The following CDH13 variants were observed in gnomAD, a reference collection of about 807,000 sequenced individuals.
CDH13 encodes the protein cadherin-13.
A neutral mutation model predicts 63.8 loss-of-function variants in CDH13; 24 were observed. The ratio of observed to expected loss-of-function variants is 0.38; its 90% confidence interval spans 0.27 to 0.53. The LOEUF (loss-of-function observed/expected upper bound fraction) is 0.53. Ranked by LOEUF, CDH13 falls within the 20% of genes least tolerant of loss-of-function variation. The probability of loss-of-function intolerance (pLI) is 0.85; values close to 1 mark genes in which losing one functional copy is unlikely to be tolerated. For synonymous variants in CDH13, 503 were observed against 355.3 expected, an observed-to-expected ratio of 1.42 and a Z score of -4.67; for missense variants, 1,049 against 903.1, an observed-to-expected ratio of 1.16 and a Z score of -2.07.
intron 1 of CDH13, chr16:82,719,274 C>G (rs148328682): frequency 2.4e-6 from 1 of 419,440 alleles, no homozygotes; most frequent in East Asian, 7.4e-5. Flanking sequence ...TAATTTTGGC[C>G]TGAGTCTATC....
chr16:82,930,515 A>G (rs931070019), intron 2 of CDH13, among the ~76,000 whole-genome samples: 2 of 152,174 alleles, frequency 1.3e-5, no homozygotes, highest in South Asian at 2.1e-4. Flanking sequence ...CCAAATATAG[A>G]TACATATCTA....
chr16:83,216,465 T>C (rs1270310692), intron 4 of CDH13, among the ~76,000 whole-genome samples: 1 of 112,922 alleles, frequency 8.9e-6, no homozygotes, highest in East Asian at 2.5e-4. Context: ...ATTTGAGGTT[T>C]ATATATAACA....
chr16:82,903,774 C>T (rs2041549504), intron 2 of CDH13, among the ~76,000 whole-genome samples: 1 of 152,102 alleles, frequency 6.6e-6, no homozygotes, highest in Non-Finnish European at 1.5e-5. Flanking sequence ...CTGGAATAAC[C>T]CTTAGAGCAC....
intron 1 of CDH13, chr16:82,704,954 G>A (rs2031363354): frequency 2.0e-5 from 7 of 347,848 alleles, no homozygotes; most frequent in South Asian, 1.6e-4. Context: ...GACACCTAAG[G>A]CAGACTTGGG....
chr16:83,277,244 G>T (rs555098311), intron 5 of CDH13, among the ~76,000 whole-genome samples: 2 of 152,300 alleles, frequency 1.3e-5, no homozygotes, highest in Admixed American at 6.5e-5. Flanking sequence ...CCTTGCATTT[G>T]GATGGAAAGT....
intron 7 of CDH13, among the ~76,000 whole-genome samples, chr16:83,534,465 C>T (rs942661248): frequency 6.6e-6 from 1 of 152,194 alleles, no homozygotes; most frequent in Non-Finnish European, 1.5e-5. Flanking sequence ...AATCTGACAT[C>T]AAATAAGCCA....
chr16:83,533,190 G>A (rs570502759), intron 7 of CDH13, among the ~76,000 whole-genome samples: 13 of 152,352 alleles, frequency 8.5e-5, no homozygotes, highest in African/African-American at 3.1e-4. Context: ...AGCAGCTGGT[G>A]TCACGCTGGA....
At chr16:83,552,931 TA>T (rs2075533479) in intron 7 of CDH13, among the ~76,000 whole-genome samples, 1 of 152,202 alleles carries the variant, frequency 6.6e-6, no homozygotes, top group African/African-American at 2.4e-5. Flanking sequence ...TGACAAAAAT[TA>T]GCCGGGAGTG....
intron 2 of CDH13, among the ~76,000 whole-genome samples, chr16:82,919,435 C>T (rs1363396204): frequency 6.6e-6 from 1 of 152,164 alleles, no homozygotes; most frequent in Non-Finnish European, 1.5e-5. Context: ...CATTTAGCTC[C>T]AACTTATAAG....
intron 7 of CDH13, among the ~76,000 whole-genome samples, chr16:83,506,095 A>T (rs181264284): frequency 6.6e-6 from 1 of 152,318 alleles, no homozygotes; most frequent in East Asian, 1.9e-4. Context: ...TGTTCCACTC[A>T]TGGCAAACAG....
intron 1 of CDH13, among the ~76,000 whole-genome samples, chr16:82,649,596 A>G (rs1179693482): frequency 6.6e-6 from 1 of 152,154 alleles, no homozygotes; most frequent in Non-Finnish European, 1.5e-5. Flanking sequence ...AACCTGTGAA[A>G]TGGCTAGTCA....
chr16:83,697,090 T>G (rs1247768126), intron 10 of CDH13, among the ~76,000 whole-genome samples: 1 of 152,220 alleles, frequency 6.6e-6, no homozygotes, highest in Non-Finnish European at 1.5e-5. Context: ...CAGTCGATCC[T>G]TATTATTCAC....
At chr16:82,764,251 T>C (rs2151087922) in intron 1 of CDH13, among the ~76,000 whole-genome samples, 1 of 152,322 alleles carries the variant, frequency 6.6e-6, no homozygotes, top group Admixed American at 6.5e-5. Context: ...GTCATGCAGC[T>C]CAGAACTGGG....
intron 5 of CDH13, among the ~76,000 whole-genome samples, chr16:83,237,034 A>G (rs2040165674): frequency 6.6e-6 from 1 of 152,142 alleles, no homozygotes; most frequent in Non-Finnish European, 1.5e-5. Flanking sequence ...AGGTGTGAGG[A>G]CCAGGAGGAA....
chr16:82,670,252 A>G lies in CDH13; in HGVS notation c.45+43115A>G, dbSNP rs1481004216. Among the ~76,000 whole-genome samples, 8 of 152,228 alleles carry G rather than the reference A, an allele frequency of 5.3e-5. No homozygotes were observed. In the East Asian group the frequency reaches 1.5e-3, roughly 29 times the overall value. Reference sequence around the variant, plus strand: ...TGCAAATCCCTAGTCGGAACATTTGAACATCATCTAGAGGGATCAGGAAAT... The same window carrying G: ...TGCAAATCCCTAGTCGGAACATTTGGACATCATCTAGAGGGATCAGGAAAT... On this transcript the variant is annotated intron_variant, in intron 1 of 13. Transcript: ENST00000567109.
At chr16:83,246,662 T>G (rs4454962) in intron 5 of CDH13, among the ~76,000 whole-genome samples, 7 of 152,106 alleles carry the variant, frequency 4.6e-5, no homozygotes, top group Non-Finnish European at 5.9e-5. Context: ...GTCATTGTCA[T>G]TCACTTGAAC....
intron 2 of CDH13, among the ~76,000 whole-genome samples, chr16:82,911,946 G>C (rs7199677): frequency 0.76 from 115,221 of 151,574 alleles, 43,826 homozygotes; most frequent in South Asian, 0.84. Flanking sequence ...CCCGGCACTT[G>C]CTGACTCCTC....
intron 5 of CDH13, among the ~76,000 whole-genome samples, chr16:83,305,334 C>T (rs1421084458): frequency 2.0e-5 from 3 of 152,180 alleles, no homozygotes; most frequent in Admixed American, 6.5e-5. Flanking sequence ...TCTAGGCATC[C>T]AGCTATGTAC....
At chr16:82,851,668 TGTGTGTAC>T (rs1216172919) in intron 1 of CDH13, among the ~76,000 whole-genome samples, 4 of 87,842 alleles carry the variant, frequency 4.6e-5, no homozygotes, top group Admixed American at 1.3e-4. Flanking sequence ...TACATGCACA[TGTGTGTAC>T]GTGTGTGTGT....
Sources: allele counts gnomAD v4.1 joint callset (sites outside exome capture counted in the v4.1 genomes callset), GRCh38; gene constraint gnomAD v4.1.1; transcripts MANE v1.5; gene names NCBI Gene and HGNC (gene_info 2026-07-23, HGNC 2026-07-21).